The following CIAO2A variants were observed in gnomAD, a reference collection of about 807,000 sequenced individuals.
CIAO2A encodes cytosolic iron-sulfur assembly component 2A, also known as MIP18 family protein FAM96A.
Under a neutral mutation model 22.4 loss-of-function variants are expected in CIAO2A, and 17 were observed. That is an observed-to-expected ratio of 0.76 (90% CI 0.52 to 1.14). The LOEUF (loss-of-function observed/expected upper bound fraction) is 1.14, where lower values mean the gene tolerates loss of function less well. Among genes scored for constraint, CIAO2A ranks in the 50% most tolerant of loss-of-function variants. The pLI is 0.00. For missense variants in CIAO2A, 192 were observed against 191.4 expected (o/e 1.00, Z -0.02); for synonymous variants, 74 against 72.3 (o/e 1.02, Z -0.12).
chr15:64,072,648 T>C lies in CIAO2A; in HGVS notation c.*283A>G. Reference sequence around the variant, plus strand: ...CACAGTAGATATTTGACACGAAAAATAGTTGTATCAGAATGAGCATCAGAA... The same window carrying C: ...CACAGTAGATATTTGACACGAAAAACAGTTGTATCAGAATGAGCATCAGAA... On this transcript the variant is annotated 3_prime_UTR_variant, in exon 5 of 5. Coordinates refer to ENST00000300030, the MANE Select transcript of CIAO2A (RefSeq NM_032231.7). 1 of 252,534 alleles carries C rather than the reference T, an allele frequency of 4.0e-6. No individual in the cohort carries two copies. The highest frequency in any genetic ancestry group is 2.2e-5 in the African/African-American group (1 of 45,024). The allele number at this position is 252,534 out of a possible 1,614,324, so 15.6% of individuals were successfully genotyped here.
chr15:64,079,028 G>A (rs1280612602), intron 3 of CIAO2A, among the ~76,000 whole-genome samples: 1 of 150,800 alleles, frequency 6.6e-6, no homozygotes, highest in Non-Finnish European at 1.5e-5. Flanking sequence ...GCAACAGGGT[G>A]AGACCCTGTC....
chr15:64,086,473 T>A (rs1194521655), intron 2 of CIAO2A, among the ~76,000 whole-genome samples: 1 of 152,132 alleles, frequency 6.6e-6, no homozygotes, highest in Non-Finnish European at 1.5e-5. Context: ...TAAGAACTCT[T>A]TCTTATATGT....
intron 3 of CIAO2A, among the ~76,000 whole-genome samples, chr15:64,078,639 C>CAAAAAAAAAAAAAAAAAAA (rs56266808): frequency 1.5e-5 from 2 of 129,150 alleles, no homozygotes; most frequent in African/African-American, 2.9e-5. Flanking sequence ...CCATCGCAAA[C>CAAAAAAAAAAAAAAAAAAA]AAAAAAAAAA....
chr15:64,080,224 A>G (rs1307643796), intron 3 of CIAO2A, among the ~76,000 whole-genome samples: 1 of 151,972 alleles, frequency 6.6e-6, no homozygotes, highest in Non-Finnish European at 1.5e-5. Flanking sequence ...TGTCTCTACT[A>G]AAAATAAAAA....
intron 2 of CIAO2A, among the ~76,000 whole-genome samples, chr15:64,081,535 C>CTTT (rs1216160284): frequency 2.7e-5 from 1 of 37,034 alleles, no homozygotes; most frequent in African/African-American, 7.6e-5. Flanking sequence ...CTCATTAAGC[C>CTTT]TTTTTTTTTT....
Position 64,081,127 on chromosome 15 carries a change from T to C in CIAO2A, c.314A>G (p.Gln105Arg), listed in dbSNP as rs1174593273. The C allele has an allele frequency of 6.8e-6, 11 of 1,613,522 alleles. No individual in the cohort carries two copies. The highest frequency in any genetic ancestry group is 9.3e-6 in the Non-Finnish European group (11 of 1,179,888). ...CTTATGTTTAAATGGTAAACATCGCTGAAGTTTTACTCTTAAGCACAGCCC... is the reference window on the plus strand; with the variant it reads ...CTTATGTTTAAATGGTAAACATCGCCGAAGTTTTACTCTTAAGCACAGCCC... ...LIGLCLRVKL[Q>R]RCLPFKHKLE... Residue 105 changes from glutamine to arginine, a missense_variant, in exon 3 of 5, where the codon CAG becomes CGG. Coordinates refer to ENST00000300030, the MANE Select transcript of CIAO2A (RefSeq NM_032231.7).
At position 64,088,779 on chromosome 15, in the gene CIAO2A, C is replaced by G; in HGVS notation, c.197G>C (p.Cys66Ser). The change falls in exon 2 of 5, where the codon TGT becomes TCT. Residue 66 changes from cysteine (C) to serine (S), a missense_variant. Physicochemically the swap from Cys to Ser is moderately radical, Grantham distance 112 (BLOSUM62 -1). Transcript: ENST00000300030. ...TTCATTTATCTCCTGAACTTCCACA[C>G]AACTTTCCGAGACCACTTCCAGTTC... Reference protein sequence around the residue: ...LEELEVVSESCVEVQEINEEE... With the variant: ...LEELEVVSESSVEVQEINEEE... 1 of 1,614,126 alleles carries G rather than the reference C, an allele frequency of 6.2e-7. No homozygotes were observed. Among genetic ancestry groups the G allele is most frequent in the Non-Finnish European group, 8.5e-7 (1 of 1,180,008 alleles).
chr15:64,087,680 G>A (rs908321147), intron 2 of CIAO2A, among the ~76,000 whole-genome samples: 3 of 152,160 alleles, frequency 2.0e-5, no homozygotes, highest in Non-Finnish European at 4.4e-5. Flanking sequence ...AAATAATAAC[G>A]AAATAGCGAC....
At position 64,072,886 on chromosome 15, in the gene CIAO2A, C is replaced by A. The variant is rs1334816639; in HGVS notation, c.*45G>T. 1.5e-6 allele frequency: 2 copies of A among 1,294,144 alleles called. No individual in the cohort carries two copies. The highest frequency in any genetic ancestry group is 1.1e-6 in the Non-Finnish European group (1 of 895,942). 80.2% of individuals were successfully genotyped at this position (1,294,144 alleles called of 1,614,324 possible). A position where few individuals can be genotyped will look rare whatever the true frequency, so the allele number is the denominator to read the frequency against. On this transcript the variant is annotated 3_prime_UTR_variant, in exon 5 of 5. Transcript: ENST00000300030. ...TCTGACATTATACAAAGAGTTTAAACAAATATATCAAACAATTACAGGCCA... is the reference window on the plus strand; with the variant it reads ...TCTGACATTATACAAAGAGTTTAAAAAAATATATCAAACAATTACAGGCCA...
At chr15:64,077,297 CAACAAAACAAAACAA>C (rs61363469) in intron 3 of CIAO2A, among the ~76,000 whole-genome samples, 1 of 150,390 alleles carries the variant, frequency 6.6e-6, no homozygotes, top group African/African-American at 2.4e-5. Context: ...GACTCCGTCT[CAACAAAACAAAACAA>C]AACAAAACAA....
intron 4 of CIAO2A, among the ~76,000 whole-genome samples, chr15:64,073,513 A>G (rs1475230428): frequency 6.6e-6 from 1 of 152,182 alleles, no homozygotes; most frequent in East Asian, 1.9e-4. Flanking sequence ...CATATCATTG[A>G]TTTACTTCCT....
Position 64,093,830 on chromosome 15 carries a change from G to T in CIAO2A, c.-62C>A. On this transcript the variant is annotated 5_prime_UTR_variant, in exon 1 of 5. Coordinates refer to ENST00000300030, the MANE Select transcript of CIAO2A (RefSeq NM_032231.7). ...GCGCCACCGTCTCTCAGCAGCCTCG[G>T]GATTGATCAACTTCCTGGTCTTCAA... The T allele has an allele frequency of 1.3e-6, 2 of 1,581,292 alleles. No individual in the cohort carries two copies. Among genetic ancestry groups the T allele is most frequent in the East Asian group, 2.3e-5 (1 of 44,246 alleles).
intron 4 of CIAO2A, among the ~76,000 whole-genome samples, chr15:64,073,970 G>A (rs865980080): frequency 3.3e-5 from 5 of 151,994 alleles, no homozygotes; most frequent in Non-Finnish European, 7.4e-5. Context: ...GATGGAAAAC[G>A]GCTCAATATT....
chr15:64,084,232 T>G (rs2080777175), intron 2 of CIAO2A, among the ~76,000 whole-genome samples: 1 of 152,134 alleles, frequency 6.6e-6, no homozygotes, highest in Non-Finnish European at 1.5e-5. Context: ...GGTTTCAAAC[T>G]CCTAGGCTCC....
intron 2 of CIAO2A, among the ~76,000 whole-genome samples, chr15:64,087,084 C>CTTTTTTTTTTTTTTTTTTTTTTTT (rs766247330): frequency 1.3e-5 from 1 of 76,062 alleles, no homozygotes; most frequent in Non-Finnish European, 2.4e-5. Context: ...GCTAATTTTG[C>CTTTTTTTTTTTTTTTTTTTTTTTT]TTTTTTTTTT....
chr15:64,084,427 T>C (rs1172453255), intron 2 of CIAO2A, among the ~76,000 whole-genome samples: 1 of 152,154 alleles, frequency 6.6e-6, no homozygotes, highest in Non-Finnish European at 1.5e-5. Flanking sequence ...CTAACCCAAT[T>C]ATTCCACGTA....
At chr15:64,089,983 A>G (rs1419731572) in intron 1 of CIAO2A, among the ~76,000 whole-genome samples, 1 of 152,206 alleles carries the variant, frequency 6.6e-6, no homozygotes, top group Non-Finnish European at 1.5e-5. Context: ...TGGTTGTCAA[A>G]CCCACAGGAT....
chr15:64,078,419 G>T (rs1213107311), intron 3 of CIAO2A, among the ~76,000 whole-genome samples: 2 of 152,138 alleles, frequency 1.3e-5, no homozygotes, highest in African/African-American at 4.8e-5. Flanking sequence ...TGTATCACCT[G>T]AAGTCAGGAG....
chr15:64,081,882 C>T (rs1369596129), intron 2 of CIAO2A, among the ~76,000 whole-genome samples: 4 of 151,932 alleles, frequency 2.6e-5, no homozygotes, highest in African/African-American at 4.8e-5. Flanking sequence ...GGCCAGGACA[C>T]GCAAAAAAAT....
Sources: gnomAD v4.1 joint callset for allele counts (sites outside exome capture counted in the v4.1 genomes callset) on GRCh38, gnomAD v4.1.1 for gene constraint, MANE v1.5 for transcripts, NCBI Gene and HGNC (gene_info 2026-07-23, HGNC 2026-07-21) for gene names.